Variants in KY observed in about 807,000 individuals in gnomAD.
KY encodes kyphoscoliosis peptidase.
In KY, 43 loss-of-function variants were observed where a neutral mutation model predicts 76.1. The observed-to-expected ratio is 0.57, with a 90% CI of 0.44 to 0.73. KY has a LOEUF of 0.73. Among genes scored for constraint, KY ranks in the 30% least tolerant of loss-of-function variants. KY has a pLI of 0.00. For missense variants in KY, 722 were observed against 828.9 expected, an observed-to-expected ratio of 0.87 and a Z score of 1.58; for synonymous variants, 277 against 326.2, an observed-to-expected ratio of 0.85 and a Z score of 1.63.
At chr3:134,619,354 C>G (rs536638423) in intron 7 of KY, 89 bp from the exon 8 acceptor site, 2 of 975,476 alleles carry the variant, frequency 2.1e-6, no homozygotes, top group African/African-American at 3.2e-5. Flanking sequence ...CTGGCCATCA[C>G]CAGCCCCAGG....
At chr3:134,611,634 C>A (rs1960476877) in intron 8 of KY, among the ~76,000 whole-genome samples, 1 of 152,234 alleles carries the variant, frequency 6.6e-6, no homozygotes, top group African/African-American at 2.4e-5. Context: ...TGATGGGGCT[C>A]CTTTGAGTAC....
At chr3:134,648,398 C>G (rs561825161) in intron 1 of KY, among the ~76,000 whole-genome samples, 3 of 152,322 alleles carry the variant, frequency 2.0e-5, no homozygotes, top group South Asian at 2.1e-4. Context: ...ACCCTCATGA[C>G]ACACCTATGG....
chr3:134,612,139 C>A (rs1960589616), intron 8 of KY, among the ~76,000 whole-genome samples: 1 of 152,168 alleles, frequency 6.6e-6, no homozygotes, highest in South Asian at 2.1e-4. Flanking sequence ...TTTTCTAGCC[C>A]CCGCCCTTTT....
At chr3:134,610,169 C>T (rs1185869401) in intron 9 of KY, 26 bp downstream of exon 9, 1 of 1,596,370 alleles carries the variant, frequency 6.3e-7, no homozygotes, top group Non-Finnish European at 8.5e-7. Flanking sequence ...TGCCAGACGC[C>T]CAGCAGAACT....
intron 9 of KY, among the ~76,000 whole-genome samples, 174 bp downstream of exon 9, chr3:134,610,020 GC>G (rs1960082329): frequency 6.6e-6 from 1 of 152,132 alleles, no homozygotes; most frequent in Non-Finnish European, 1.5e-5. Flanking sequence ...AAGGGTCTGG[GC>G]CCTCACAATT....
rs374750857 is a variant in KY at position 134,610,308 on chromosome 3, C to A, written c.786G>T (p.Ser262=). The A allele has an allele frequency of 6.2e-7, 1 of 1,613,770 alleles. No individual in the cohort carries two copies. The stretch of plus-strand genomic sequence containing the variant: ...CATTCCAGGCATGGTCAAACTCCCC[C>A]GAGAAGCTCTGCCCTGTCTGGTAGC... The part of the protein sequence containing the change: ...GFGYQTGQSF[S]GEFDHAWNAV... The change falls in exon 9 of 11, where the codon TCG becomes TCT. Residue 262 remains serine (S), a synonymous_variant. Transcript: ENST00000423778.
intron 2 of KY, 58 bp downstream of exon 2, chr3:134,647,377 T>G: frequency 7.6e-7 from 1 of 1,315,974 alleles, no homozygotes; most frequent in South Asian, 1.3e-5. Context: ...AACCCAATTC[T>G]TCCAGTTATT....
rs959362816 is a variant in KY, at chr3:134,600,385, C to G, written c.*3194G>C. 6.6e-6 allele frequency among the ~76,000 whole-genome samples: 1 copy of G among 152,170 alleles called. No homozygotes were observed. Among genetic ancestry groups the G allele is most frequent in the Non-Finnish European group, 1.5e-5 (1 of 68,026 alleles). On this transcript the variant is annotated 3_prime_UTR_variant, in exon 11 of 11. Transcript: ENST00000423778. Reference sequence around the variant, plus strand: ...CAGGAAATAGTTCTTTATGTCTAGCCGAAATCCTTCATGCTTCAGTTAGTC... The same window carrying G: ...CAGGAAATAGTTCTTTATGTCTAGCGGAAATCCTTCATGCTTCAGTTAGTC...
intron 8 of KY, 89 bp from the exon 9 acceptor site, chr3:134,610,472 C>T: frequency 5.2e-6 from 6 of 1,145,168 alleles, no homozygotes; most frequent in Non-Finnish European, 7.6e-6. Flanking sequence ...GGCATGTTTG[C>T]TGCCCATCAG....
intron 4 of KY, 77 bp from the exon 5 acceptor site, chr3:134,627,895 G>C (rs1560124621): frequency 8.5e-7 from 1 of 1,173,544 alleles, no homozygotes; most frequent in East Asian, 2.3e-5. Context: ...TCACCTTCTG[G>C]TGGTCCTTGC....
chr3:134,647,145 A>G (rs145020603), intron 2 of KY, among the ~76,000 whole-genome samples: 11 of 152,318 alleles, frequency 7.2e-5, no homozygotes, highest in Non-Finnish European at 1.5e-4. Context: ...AAACCTCACC[A>G]TCCCAAGGGA....
intron 4 of KY, 106 bp from the exon 5 acceptor site, chr3:134,627,924 A>C (rs1963686046): frequency 3.6e-6 from 3 of 832,268 alleles, no homozygotes; most frequent in East Asian, 2.6e-5. Flanking sequence ...CCTCCTCTTT[A>C]CTCTCCTTTT....
At chr3:134,614,514 C>T (rs559982266) in intron 8 of KY, among the ~76,000 whole-genome samples, 2 of 151,996 alleles carry the variant, frequency 1.3e-5, no homozygotes, top group South Asian at 2.1e-4. Context: ...TCAGAGAAGC[C>T]CCAAGGGCTG....
chr3:134,620,100 C>T (rs546538322), intron 7 of KY: 1 of 152,426 alleles, frequency 6.6e-6, no homozygotes, highest in African/African-American at 2.4e-5. Context: ...GCCCTGCCCA[C>T]TCTCATTTGT....
chr3:134,605,778 T>C (rs1337910841), intron 10 of KY, among the ~76,000 whole-genome samples: 1 of 152,098 alleles, frequency 6.6e-6, no homozygotes, highest in Non-Finnish European at 1.5e-5. Context: ...TCTCAGACCT[T>C]GGAGGACCTA....
At chr3:134,625,182 G>A in intron 5 of KY, 47 bp from the exon 6 acceptor site, 1 of 1,475,228 alleles carries the variant, frequency 6.8e-7, no homozygotes, top group Non-Finnish European at 9.3e-7. Context: ...CCACTGAAGA[G>A]GGCTGCCTGG....
chr3:134,629,485 C>T, intron 4 of KY, 136 bp downstream of exon 4: 1 of 649,400 alleles, frequency 1.5e-6, no homozygotes, highest in Non-Finnish European at 2.8e-6. Context: ...TGTCATGCTT[C>T]TGCCTTTTCC....
chr3:134,603,575 G>A lies in KY; in HGVS notation c.*4C>T. 6.4e-7 allele frequency: 1 copy of A among 1,568,012 alleles called. No individual in the cohort carries two copies. Among genetic ancestry groups the A allele is most frequent in the Non-Finnish European group, 8.7e-7 (1 of 1,152,512 alleles). On this transcript the variant is annotated 3_prime_UTR_variant, in exon 11 of 11. Transcript: ENST00000423778. The stretch of plus-strand genomic sequence containing the variant: ...TTTGGGAGGGTAAGACCGGGGCACA[G>A]CCCTCACTGGGCATTCACTTTGTAT...
intron 5 of KY, among the ~76,000 whole-genome samples, chr3:134,625,758 C>T (rs1490736046): frequency 1.3e-5 from 2 of 152,362 alleles, no homozygotes; most frequent in East Asian, 1.9e-4. Flanking sequence ...TGTGTGATGG[C>T]GTTCTGGTAA....
Sources: allele counts gnomAD v4.1 joint callset (sites outside exome capture counted in the v4.1 genomes callset), GRCh38; gene constraint gnomAD v4.1.1; transcripts MANE v1.5; gene names NCBI Gene and HGNC (gene_info 2026-07-23, HGNC 2026-07-21).